FNBP1: variants seen among roughly 807,000 people sequenced by gnomAD.
FNBP1 encodes formin-binding protein 1.
Under a neutral mutation model 90.6 loss-of-function variants are expected in FNBP1, and 26 were observed. That is an observed-to-expected ratio of 0.29 (90% CI 0.21 to 0.40). The LOEUF (loss-of-function observed/expected upper bound fraction) is 0.40, where lower values mean the gene tolerates loss of function less well. FNBP1 is among the 10% of genes least tolerant of loss of function. The pLI, the probability that FNBP1 is intolerant of heterozygous loss-of-function variation, is 1.00. For synonymous variants in FNBP1, 260 were observed against 265.2 expected (o/e 0.98, Z 0.19); for missense variants, 635 against 768.0 (o/e 0.83, Z 2.05).
chr9:129,905,274 T>TTG (rs71497500), intron 12 of FNBP1, among the ~76,000 whole-genome samples: 187 of 123,478 alleles, frequency 1.5e-3, no homozygotes, highest in Middle Eastern at 8.1e-3. Flanking sequence ...ATCTGTTGAA[T>TTG]TGTGTGTGTG....
intron 6 of FNBP1, chr9:129,936,549 T>C (rs2043493042): frequency 6.6e-6 from 1 of 150,556 alleles, no homozygotes; most frequent in Non-Finnish European, 1.5e-5. Context: ...CAACCTGTGT[T>C]ATCTAGCCAC....
chr9:129,914,058 G>A (rs2039825989), intron 11 of FNBP1, among the ~76,000 whole-genome samples: 1 of 151,698 alleles, frequency 6.6e-6, no homozygotes, highest in Non-Finnish European at 1.5e-5. Flanking sequence ...GTTTCACCAT[G>A]CTGCTCAGGC....
rs530491674 is a variant in FNBP1 at position 130,031,764 on chromosome 9, C to T, written c.24+11188G>A. 6.6e-6 allele frequency among the ~76,000 whole-genome samples: 1 copy of T among 151,780 alleles called. No homozygotes were observed. Among genetic ancestry groups the T allele is most frequent in the Non-Finnish European group, 1.5e-5 (1 of 67,930 alleles). On this transcript the variant is annotated intron_variant, in intron 1 of 16. Coordinates refer to ENST00000446176, the MANE Select transcript of FNBP1 (RefSeq NM_015033.3). The surrounding 1 kb of genome is among the most constrained non-coding windows in gnomAD (Gnocchi z 4.2). ...GCAACATCCACCTCCTAGATTCAAG[C>T]GATTCTCCTGCCTCAGCCTCCCGAG...
At chr9:129,926,576 T>C (rs1251553287) in intron 8 of FNBP1, among the ~76,000 whole-genome samples, 1 of 151,966 alleles carries the variant, frequency 6.6e-6, no homozygotes, top group Non-Finnish European at 1.5e-5. Context: ...CCTGAGATAA[T>C]GTCAAAAGTG....
intron 1 of FNBP1, among the ~76,000 whole-genome samples, chr9:129,996,654 A>G (rs2054049417): frequency 6.6e-6 from 1 of 152,166 alleles, no homozygotes; most frequent in Non-Finnish European, 1.5e-5. Context: ...CGCTTGTGCA[A>G]TCTAACAGTA....
At chr9:130,022,183 G>C (rs1019651243) in intron 1 of FNBP1, among the ~76,000 whole-genome samples, 2 of 151,810 alleles carry the variant, frequency 1.3e-5, no homozygotes, top group African/African-American at 4.8e-5. Flanking sequence ...TTAATTTGAG[G>C]TGAAATTCAT....
intron 2 of FNBP1, among the ~76,000 whole-genome samples, chr9:129,991,616 C>A (rs1398196377): frequency 2.0e-5 from 3 of 151,084 alleles, no homozygotes; most frequent in Non-Finnish European, 1.5e-5. Context: ...CAGTTTCAGA[C>A]ATGTTACATT....
At chr9:129,931,737 A>G (rs2042776143) in intron 6 of FNBP1, among the ~76,000 whole-genome samples, 1 of 151,428 alleles carries the variant, frequency 6.6e-6, no homozygotes, top group South Asian at 2.1e-4. Context: ...GGTCAAGTAT[A>G]CAGTAAGCTG....
At chr9:129,991,262 C>G (rs149398121) in intron 2 of FNBP1, among the ~76,000 whole-genome samples, 1 of 148,904 alleles carries the variant, frequency 6.7e-6, no homozygotes, top group Non-Finnish European at 1.5e-5. Flanking sequence ...AAATCTAGGT[C>G]GTGGAAATGC....
At position 130,042,119 on chromosome 9, in the gene FNBP1, G is replaced by C. The variant is rs1459549028; in HGVS notation, c.24+833C>G. ...GCCAGCCCCTCGCCTTTCCGGGGAC[G>C]GCCCTCAGCCCTGAGGGCTGCCCGT... On this transcript the variant is annotated intron_variant, in intron 1 of 16. Transcript: ENST00000446176. The surrounding 1 kb of genome is among the most constrained non-coding windows in gnomAD (Gnocchi z 5.5). Among the ~76,000 whole-genome samples, 1 of 151,874 alleles carries C rather than the reference G, an allele frequency of 6.6e-6. No homozygotes were observed. Among genetic ancestry groups the C allele is most frequent in the African/African-American group, 2.4e-5 (1 of 41,322 alleles).
At chr9:129,953,452 C>T (rs1213249125) in intron 6 of FNBP1, among the ~76,000 whole-genome samples, 2 of 151,626 alleles carry the variant, frequency 1.3e-5, no homozygotes, top group African/African-American at 2.4e-5. Flanking sequence ...ATAGCACCAC[C>T]GCACTCCAGC....
rs1049990121 is a variant in FNBP1, at chr9:129,900,164, A to G, written c.1551-63T>C. 1.8e-4 allele frequency: 267 copies of G among 1,494,660 alleles called. No individual in the cohort carries two copies. Among genetic ancestry groups the G allele is most frequent in the Non-Finnish European group, 2.3e-4 (259 of 1,119,652 alleles). 92.6% of individuals were successfully genotyped at this position (1,494,660 alleles called of 1,614,324 possible). On this transcript the variant is annotated intron_variant, in intron 14 of 16. Transcript: ENST00000446176. The surrounding 1 kb of genome is among the most constrained non-coding windows in gnomAD (Gnocchi z 4.1). ...CTGACCCCAGGGAGGACTCAGATTG[A>G]GTCCCTGCGACTGGAGAGCACTTGC...
chr9:130,043,669 C>G (rs896472035), upstream of FNBP1, among the ~76,000 whole-genome samples: 1 of 152,162 alleles, frequency 6.6e-6, no homozygotes, highest in Non-Finnish European at 1.5e-5. Context: ...GGGAGTGGGG[C>G]GGTGGTAACT....
chr9:129,987,436 T>C (rs574696450), intron 2 of FNBP1, among the ~76,000 whole-genome samples: 6 of 152,170 alleles, frequency 3.9e-5, no homozygotes, highest in Admixed American at 2.6e-4. Flanking sequence ...TCCTAATCTT[T>C]TATAGCAGTG....
At position 129,966,322 on chromosome 9, in the gene FNBP1, A is replaced by C. The variant is rs1157299430; in HGVS notation, c.346-7769T>G. 6.6e-6 allele frequency among the ~76,000 whole-genome samples: 1 copy of C among 152,218 alleles called. No homozygotes were observed. The highest frequency in any genetic ancestry group is 1.5e-5 in the Non-Finnish European group (1 of 68,030). On this transcript the variant is annotated intron_variant, in intron 4 of 16. Transcript: ENST00000446176. The surrounding 1 kb of genome is among the most constrained non-coding windows in gnomAD (Gnocchi z 4.3). ...AAGGGGCTTGCCCTGTTTGAGGAACAGCTGGATGCCAGTGCCACTAGACCA... is the reference window on the plus strand; with the variant it reads ...AAGGGGCTTGCCCTGTTTGAGGAACCGCTGGATGCCAGTGCCACTAGACCA...
At chr9:129,967,658 T>G (rs2048822190) in intron 4 of FNBP1, among the ~76,000 whole-genome samples, 2 of 152,176 alleles carry the variant, frequency 1.3e-5, no homozygotes, top group South Asian at 4.1e-4. Flanking sequence ...TAAGGAGAGA[T>G]GTCAAACAGG....
intron 1 of FNBP1, chr9:130,014,150 C>G (rs896914082): frequency 2.3e-6 from 1 of 440,654 alleles, no homozygotes; most frequent in Admixed American, 2.4e-5. Context: ...AAATTCTGAA[C>G]ACTCAAATAG....
At chr9:129,946,557 C>T (rs1268674377) in intron 6 of FNBP1, among the ~76,000 whole-genome samples, 3 of 152,164 alleles carry the variant, frequency 2.0e-5, no homozygotes, top group Non-Finnish European at 4.4e-5. Context: ...AATGAAGAGG[C>T]ACCATTAACT....
At chr9:129,899,833 T>G (rs1322924961) in intron 15 of FNBP1, 132 bp downstream of exon 15, 66 of 668,732 alleles carry the variant, frequency 9.9e-5, no homozygotes, top group African/African-American at 7.4e-4. Flanking sequence ...GAAGGGAAGG[T>G]AGGAAGGAAG....
Sources: allele counts gnomAD v4.1 joint callset (sites outside exome capture counted in the v4.1 genomes callset), GRCh38; gene constraint gnomAD v4.1.1; non-coding constraint Gnocchi (gnomAD v3.1); transcripts MANE v1.5; gene names NCBI Gene and HGNC (gene_info 2026-07-23, HGNC 2026-07-21).